Variants in NUBP1 observed in about 807,000 individuals in gnomAD.
The protein encoded by NUBP1 is cytosolic Fe-S cluster assembly factor NUBP1.
Under a neutral mutation model 41.8 loss-of-function variants are expected in NUBP1, and 46 were observed. The observed-to-expected ratio is 1.10, with a 90% CI of 0.87 to 1.41. The LOEUF (loss-of-function observed/expected upper bound fraction) is 1.41, where lower values mean the gene tolerates loss of function less well. NUBP1 is among the 40% of genes most tolerant of loss of function. NUBP1 has a pLI of 0.00. For synonymous variants in NUBP1, 189 were observed against 154.6 expected (o/e 1.22, Z -1.65); for missense variants, 494 against 414.0 (o/e 1.19, Z -1.68).
intron 7 of NUBP1, among the ~76,000 whole-genome samples, chr16:10,760,348 T>G (rs1026456679): frequency 2.0e-5 from 3 of 152,212 alleles, no homozygotes; most frequent in Non-Finnish European, 2.9e-5. Flanking sequence ...ACCAGCCAGA[T>G]TCAGCCCCCA....
intron 3 of NUBP1, among the ~76,000 whole-genome samples, chr16:10,751,261 C>T (rs758068879): frequency 6.6e-6 from 1 of 152,170 alleles, no homozygotes; most frequent in African/African-American, 2.4e-5. Context: ...CTGAGAGTAT[C>T]GAGGAAAGTC....
rs1900787017 is a variant in NUBP1 at position 10,759,362 on chromosome 16, C to G, written c.606+1335C>G. 6.6e-6 allele frequency among the ~76,000 whole-genome samples: 1 copy of G among 152,180 alleles called. No homozygotes were observed. On this transcript the variant is annotated intron_variant, in intron 7 of 10. Coordinates refer to ENST00000283027, the MANE Select transcript of NUBP1 (RefSeq NM_002484.4). This position sits in a 1 kb window ranked among gnomAD's most constrained non-coding sequence, Gnocchi z 4.7. Reference sequence around the variant, plus strand: ...CCTGCAGAGAGGGGACATGGGGACGCAAGGAGGAGCAGGACACCAGCTGGG... The same window carrying G: ...CCTGCAGAGAGGGGACATGGGGACGGAAGGAGGAGCAGGACACCAGCTGGG...
intron 4 of NUBP1, among the ~76,000 whole-genome samples, chr16:10,754,777 G>A (rs1000432075): frequency 1.3e-5 from 2 of 151,908 alleles, no homozygotes; most frequent in Admixed American, 1.3e-4. Flanking sequence ...GGGTACAGTG[G>A]CTCACACCTG....
rs1265454310 is a variant in NUBP1, at chr16:10,747,238, C to T, written c.220C>T (p.His74Tyr). 6.2e-7 allele frequency: 1 copy of T among 1,614,092 alleles called. No individual in the cohort carries two copies. Among genetic ancestry groups the T allele is most frequent in the African/African-American group, 1.3e-5 (1 of 74,932 alleles). The change falls in exon 3 of 11, where the codon CAC becomes TAC. Residue 74 changes from histidine (H) to tyrosine (Y), a missense_variant. His to Tyr is a moderately conservative substitution (Grantham distance 83). Coordinates refer to ENST00000283027, the MANE Select transcript of NUBP1 (RefSeq NM_002484.4). ...TGTTGGGAAAAGCACATTCAGCGCC[C>T]ACCTTGCCCATGGCCTAGCAGAGGA... ...GGVGKSTFSAHLAHGLAEDEN... is the reference protein window; with the variant it reads ...GGVGKSTFSAYLAHGLAEDEN...
At position 10,756,067 on chromosome 16, in the gene NUBP1, T is replaced by C. The variant is rs113584240; in HGVS notation, c.360+314T>C. On this transcript the variant is annotated intron_variant, in intron 5 of 10. Coordinates refer to ENST00000283027, the MANE Select transcript of NUBP1 (RefSeq NM_002484.4). Reference sequence around the variant, plus strand: ...CAGATTTGGCCCTGAAGTCCATAGTTTGTAAATCTCTGGTTAAGAGAGTTA... The same window carrying C: ...CAGATTTGGCCCTGAAGTCCATAGTCTGTAAATCTCTGGTTAAGAGAGTTA... 1.4e-3 allele frequency among the ~76,000 whole-genome samples: 214 copies of C among 152,302 alleles called. 2 individuals carry two copies. Among genetic ancestry groups the C allele is most frequent in the African/African-American group, 4.7e-3 (197 of 41,574 alleles).
chr16:10,750,931 G>A (rs1041991357), intron 3 of NUBP1, among the ~76,000 whole-genome samples: 12 of 152,176 alleles, frequency 7.9e-5, no homozygotes, highest in Non-Finnish European at 1.6e-4. Context: ...CTGCTGGGAG[G>A]AACGCAGGCG....
intron 9 of NUBP1, among the ~76,000 whole-genome samples, chr16:10,764,094 A>G (rs1053499971): frequency 2.6e-5 from 4 of 152,032 alleles, no homozygotes; most frequent in Non-Finnish European, 2.9e-5. Context: ...CCAAGGGAGT[A>G]TCTCAGCCCA....
At chr16:10,746,978 T>A (rs190072433) in intron 2 of NUBP1, among the ~76,000 whole-genome samples, 165 bp from the exon 3 acceptor site, 2 of 152,316 alleles carry the variant, frequency 1.3e-5, no homozygotes, top group African/African-American at 4.8e-5. Flanking sequence ...ATTTTCTTCC[T>A]AGCACTTATT....
In NUBP1 at chr16:10,766,331, G is replaced by C. The variant is rs1157235269; in HGVS notation, c.821-1618G>C. Among the ~76,000 whole-genome samples, 1 of 152,208 alleles carries C rather than the reference G, an allele frequency of 6.6e-6. No individual in the cohort carries two copies. The highest frequency in any genetic ancestry group is 2.4e-5 in the African/African-American group (1 of 41,450). On this transcript the variant is annotated intron_variant, in intron 9 of 10. Transcript: ENST00000283027. This position sits in a 1 kb window ranked among gnomAD's most constrained non-coding sequence, Gnocchi z 4.8. ...GGTGAGAGGATGCCTGGGATCTCTTGGAACAGGGCTGTGCTCACACCAGCT... is the reference window on the plus strand; with the variant it reads ...GGTGAGAGGATGCCTGGGATCTCTTCGAACAGGGCTGTGCTCACACCAGCT...
At position 10,761,831 on chromosome 16, in the gene NUBP1, C is replaced by T. The variant is rs774817805; in HGVS notation, c.792C>T (p.Leu264=). ...GCCAGGACTTGGAGGTCCCTCTCCT[C>T]GGCAGAGTGCCCCTGGATCCGCTCA... ...LMCQDLEVPL[L]GRVPLDPLIG... Residue 264 remains leucine (L), a synonymous_variant, in exon 9 of 11, where the codon CTC becomes CTT. Coordinates refer to ENST00000283027, the MANE Select transcript of NUBP1 (RefSeq NM_002484.4). 24 of 1,613,942 alleles carry T rather than the reference C, an allele frequency of 1.5e-5. No individual in the cohort carries two copies. The highest frequency in any genetic ancestry group is 1.9e-5 in the Non-Finnish European group (23 of 1,179,932).
intron 9 of NUBP1, chr16:10,762,149 C>T (rs777755996): frequency 2.5e-5 from 7 of 278,936 alleles, no homozygotes; most frequent in Non-Finnish European, 4.8e-5. Flanking sequence ...GAGGAGGGCA[C>T]CCGATAGAGG....
intron 3 of NUBP1, among the ~76,000 whole-genome samples, chr16:10,747,528 G>T (rs537509053): frequency 3.9e-5 from 6 of 152,350 alleles, no homozygotes; most frequent in South Asian, 2.1e-4. Context: ...CCAGCTTTTC[G>T]CGAGGATGAG....
chr16:10,767,960 G>T lies in NUBP1; in HGVS notation c.832G>T (p.Asp278Tyr), dbSNP rs781411477. 3.1e-6 allele frequency: 5 copies of T among 1,614,108 alleles called. No homozygotes were observed. Among genetic ancestry groups the T allele is most frequent in the Non-Finnish European group, 4.2e-6 (5 of 1,180,004 alleles). ...PLDPLIGKNC[D>Y]KGQSFFIDAP... ...GTTTCTTTTTTAAGGTAAGAATTGT[G>T]ACAAAGGCCAGTCTTTTTTCATTGA... Residue 278 changes from aspartate (D) to tyrosine (Y), a missense_variant, in exon 10 of 11, where the codon GAC becomes TAC. By Grantham distance (160) the Asp-to-Tyr change is radical. Transcript: ENST00000283027. The surrounding 1 kb of genome is among the most constrained non-coding windows in gnomAD (Gnocchi z 4.6).
chr16:10,760,860 G>A (rs974824231), intron 7 of NUBP1: 1 of 155,812 alleles, frequency 6.4e-6, no homozygotes, highest in Non-Finnish European at 1.4e-5. Context: ...TTTGGCAGAG[G>A]GCATACATTA....
At position 10,763,136 on chromosome 16, in the gene NUBP1, G is replaced by T. The variant is rs554900168; in HGVS notation, c.820+1277G>T. Among the ~76,000 whole-genome samples the T allele has an allele frequency of 2.6e-5, 4 of 152,230 alleles. No individual in the cohort carries two copies. The East Asian group carries it at 7.7e-4, about 29-fold the overall frequency. On this transcript the variant is annotated intron_variant, in intron 9 of 10. Coordinates refer to ENST00000283027, the MANE Select transcript of NUBP1 (RefSeq NM_002484.4). ...GTCCCTCAGAGACAGTGAAGCAGGG[G>T]TGGTAGAGGGAGGCCGGGCCCTCTG...
At chr16:10,746,559 A>G (rs1900073137) in intron 2 of NUBP1, among the ~76,000 whole-genome samples, 2 of 152,110 alleles carry the variant, frequency 1.3e-5, no homozygotes, top group African/African-American at 2.4e-5. Context: ...TGGCCAACAT[A>G]GAGAAACACC....
chr16:10,756,342 C>T (rs1363128845), intron 5 of NUBP1, among the ~76,000 whole-genome samples: 2 of 152,030 alleles, frequency 1.3e-5, no homozygotes, highest in Non-Finnish European at 2.9e-5. Flanking sequence ...TTGCACCATG[C>T]ACTCCAGCCT....
intron 3 of NUBP1, among the ~76,000 whole-genome samples, chr16:10,748,645 G>A (rs576979954): frequency 6.6e-6 from 1 of 152,292 alleles, no homozygotes; most frequent in East Asian, 1.9e-4. Context: ...TTAGCACGGG[G>A]CCCGACGAAT....
chr16:10,753,554 C>G (rs1900420364), intron 4 of NUBP1, among the ~76,000 whole-genome samples: 1 of 152,116 alleles, frequency 6.6e-6, no homozygotes, highest in African/African-American at 2.4e-5. Flanking sequence ...TCCCGAGAGT[C>G]TCAAGATTGG....
Sources: gnomAD v4.1 joint callset for allele counts (sites outside exome capture counted in the v4.1 genomes callset) on GRCh38, gnomAD v4.1.1 for gene constraint, Gnocchi (gnomAD v3.1) non-coding constraint, MANE v1.5 for transcripts, NCBI Gene and HGNC (gene_info 2026-07-23, HGNC 2026-07-21) for gene names.